The following C13orf42 variants were observed in gnomAD, a reference collection of about 807,000 sequenced individuals.
C13orf42 encodes uncharacterized protein C13orf42.
chr13:51,136,216 G>A (rs1411240814), intron 1 of C13orf42, among the ~76,000 whole-genome samples: 1 of 152,090 alleles, frequency 6.6e-6, no homozygotes, highest in Non-Finnish European at 1.5e-5. Flanking sequence ...ACTTCACTTA[G>A]ATTATCTCTG....
intron 1 of C13orf42, among the ~76,000 whole-genome samples, chr13:51,146,010 C>T (rs939667691): frequency 3.9e-5 from 6 of 152,090 alleles, no homozygotes; most frequent in Non-Finnish European, 8.8e-5. Flanking sequence ...TTTCGGGGTT[C>T]ATAGAAGACA....
At chr13:51,085,794 A>G (rs1953118392) in intron 2 of C13orf42, among the ~76,000 whole-genome samples, 1 of 152,254 alleles carries the variant, frequency 6.6e-6, no homozygotes, top group Non-Finnish European at 1.5e-5. Context: ...TCACGCCTGT[A>G]ATCCCAGCAC....
chr13:51,108,610 G>A (rs1160375063), intron 1 of C13orf42, among the ~76,000 whole-genome samples: 2 of 152,226 alleles, frequency 1.3e-5, no homozygotes, highest in Non-Finnish European at 2.9e-5. Flanking sequence ...AGTGAACGCT[G>A]GAGTAAGTAC....
chr13:51,129,810 T>C (rs1335504823), intron 1 of C13orf42, among the ~76,000 whole-genome samples: 1 of 152,214 alleles, frequency 6.6e-6, no homozygotes, highest in African/African-American at 2.4e-5. Flanking sequence ...AACATGGCCT[T>C]AGAACCCATA....
intron 1 of C13orf42, chr13:51,171,896 T>G (rs1385657085): frequency 6.6e-6 from 1 of 152,136 alleles, no homozygotes; most frequent in African/African-American, 2.4e-5. Flanking sequence ...TCAATATACA[T>G]TTTATTACCC....
intron 1 of C13orf42, among the ~76,000 whole-genome samples, chr13:51,090,674 G>A (rs1161632920): frequency 6.6e-6 from 1 of 152,108 alleles, no homozygotes; most frequent in African/African-American, 2.4e-5. Context: ...GTCTCTGGAG[G>A]GAGGGTTTGG....
chr13:51,086,223 C>T (rs1403187169), intron 2 of C13orf42, among the ~76,000 whole-genome samples: 4 of 150,686 alleles, frequency 2.7e-5, no homozygotes, highest in South Asian at 2.1e-4. Flanking sequence ...AGGAGAATGG[C>T]GTGAACCTGG....
intron 1 of C13orf42, among the ~76,000 whole-genome samples, chr13:51,106,481 T>A (rs1953356866): frequency 6.6e-6 from 1 of 152,142 alleles, no homozygotes; most frequent in Non-Finnish European, 1.5e-5. Flanking sequence ...AGGGTGTGAG[T>A]TCTGGCACGA....
chr13:51,132,999 G>A (rs886459606), intron 1 of C13orf42, among the ~76,000 whole-genome samples: 8 of 152,122 alleles, frequency 5.3e-5, no homozygotes, highest in Non-Finnish European at 1.2e-4. Context: ...GCAACATCAG[G>A]AAGTTATACT....
intron 1 of C13orf42, among the ~76,000 whole-genome samples, chr13:51,151,673 T>C (rs941358248): frequency 3.3e-5 from 5 of 152,210 alleles, no homozygotes; most frequent in African/African-American, 1.2e-4. Context: ...ATTCTGCACA[T>C]GCAGGTAAAG....
At chr13:51,169,582 A>G (rs1953929891) in intron 1 of C13orf42, among the ~76,000 whole-genome samples, 1 of 152,204 alleles carries the variant, frequency 6.6e-6, no homozygotes, top group African/African-American at 2.4e-5. Context: ...GAGGCCCACA[A>G]GGAAAGAATA....
chr13:51,087,265 C>G (rs550512658), intron 2 of C13orf42, among the ~76,000 whole-genome samples: 6 of 152,342 alleles, frequency 3.9e-5, no homozygotes, highest in Admixed American at 3.9e-4. Flanking sequence ...CCTCACCCCA[C>G]TCCAGCTCCA....
intron 1 of C13orf42, among the ~76,000 whole-genome samples, chr13:51,146,414 G>C (rs895146348): frequency 1.3e-5 from 2 of 152,140 alleles, no homozygotes; most frequent in African/African-American, 4.8e-5. Context: ...TGTGAACCTC[G>C]AATATCCGAG....
At chr13:51,116,233 A>G (rs546338975), upstream of C13orf42, among the ~76,000 whole-genome samples, 9 of 152,312 alleles carry the variant, frequency 5.9e-5, no homozygotes, top group African/African-American at 2.2e-4. Flanking sequence ...GCTGCCCATC[A>G]GGCAGAAGGG....
intron 1 of C13orf42, among the ~76,000 whole-genome samples, chr13:51,137,725 G>GT (rs1233653163): frequency 1.3e-5 from 2 of 151,922 alleles, no homozygotes; most frequent in Non-Finnish European, 2.9e-5. Context: ...TACAAAACTA[G>GT]TATGTATCCA....
chr13:51,169,051 G>C (rs767100692), intron 1 of C13orf42, among the ~76,000 whole-genome samples: 5 of 152,158 alleles, frequency 3.3e-5, no homozygotes, highest in Non-Finnish European at 7.3e-5. Context: ...GTAGCAAAGC[G>C]AGAACAGACT....
At chr13:51,126,715 G>A (rs562258610) in intron 1 of C13orf42, among the ~76,000 whole-genome samples, 4 of 152,328 alleles carry the variant, frequency 2.6e-5, no homozygotes, top group South Asian at 2.1e-4. Flanking sequence ...GGCCAGGGAC[G>A]ATGGGAGTGA....
At chr13:51,151,564 T>C (rs965411439) in intron 1 of C13orf42, among the ~76,000 whole-genome samples, 2 of 152,128 alleles carry the variant, frequency 1.3e-5, no homozygotes, top group Admixed American at 6.5e-5. Flanking sequence ...CCAGCAGTAA[T>C]AGGAAATCAA....
At chr13:51,106,050 T>A (rs1435092778) in intron 1 of C13orf42, among the ~76,000 whole-genome samples, 1 of 152,220 alleles carries the variant, frequency 6.6e-6, no homozygotes, top group Non-Finnish European at 1.5e-5. Flanking sequence ...CCTCAGTTCT[T>A]TTCCTAGTGT....
Sources: allele counts gnomAD v4.1 joint callset (sites outside exome capture counted in the v4.1 genomes callset), GRCh38; gene constraint gnomAD v4.1.1; transcripts MANE v1.5; gene names NCBI Gene and HGNC (gene_info 2026-07-23, HGNC 2026-07-21).